Variants in BCKDHB observed in about 807,000 individuals in gnomAD.
BCKDHB encodes the protein branched chain keto acid dehydrogenase E1 subunit beta.
In BCKDHB, 41 loss-of-function variants were observed where a neutral mutation model predicts 48.5. That is an observed-to-expected ratio of 0.85 (90% CI 0.66 to 1.10). The LOEUF (loss-of-function observed/expected upper bound fraction) is 1.10. BCKDHB is among the 50% of genes least tolerant of loss of function. The pLI, the probability that BCKDHB is intolerant of heterozygous loss-of-function variation, is 0.00. For synonymous variants in BCKDHB, 201 were observed against 174.8 expected, an observed-to-expected ratio of 1.15 and a Z score of -1.18; for missense variants, 496 against 494.2, an observed-to-expected ratio of 1.00 and a Z score of -0.03.
chr6:80,368,169 T>TCA, the BCKDHB span, among the ~76,000 whole-genome samples: 1 of 152,182 alleles, frequency 6.6e-6, no homozygotes, highest in Non-Finnish European at 1.5e-5. Context: ...TGCTCCCAGT[T>TCA]TTTCCCAGCC....
At chr6:80,291,286 G>A (rs1286674964) in intron 9 of BCKDHB, among the ~76,000 whole-genome samples, 3 of 152,264 alleles carry the variant, frequency 2.0e-5, no homozygotes, top group Non-Finnish European at 2.9e-5. Flanking sequence ...GAAAAGAAGC[G>A]ATGACATTCC....
At chr6:80,273,534 GAA>G (rs1453024291) in intron 9 of BCKDHB, among the ~76,000 whole-genome samples, 4 of 152,022 alleles carry the variant, frequency 2.6e-5, no homozygotes, top group Admixed American at 2.6e-4. Context: ...TACGTTAACA[GAA>G]AGAAAAATCT....
intron 9 of BCKDHB, among the ~76,000 whole-genome samples, chr6:80,324,258 C>G (rs1221096429): frequency 4.6e-5 from 7 of 152,114 alleles, no homozygotes; most frequent in Non-Finnish European, 7.3e-5. Context: ...ATACCGTGAC[C>G]ATACCCAAGA....
Position 80,273,220 on chromosome 6 carries a change from A to G in BCKDHB, c.1037A>G (p.Gln346Arg), listed in dbSNP as rs2127965290. The G allele has an allele frequency of 1.2e-6, 2 of 1,612,636 alleles. No individual in the cohort carries two copies. The highest frequency in any genetic ancestry group is 2.2e-5 in the East Asian group (1 of 44,826). ...GFASEISSTV[Q>R]EECFLNLEAP... ...GCATCGGAAATCAGCTCTACAGTTCAGGTAGAGTAATTTTTGGAACTGATT... is the reference window on the plus strand; with the variant it reads ...GCATCGGAAATCAGCTCTACAGTTCGGGTAGAGTAATTTTTGGAACTGATT... Residue 346 changes from glutamine (Q) to arginine (R), a missense_variant and splice_region_variant, in exon 9 of 10, where the codon CAG (glutamine) becomes CGG (arginine). Transcript: ENST00000320393.
chr6:80,328,410 C>A (rs912080086), intron 9 of BCKDHB, among the ~76,000 whole-genome samples: 1 of 152,180 alleles, frequency 6.6e-6, no homozygotes, highest in Non-Finnish European at 1.5e-5. Flanking sequence ...CAAGGACTCT[C>A]GTCTCCTTTC....
intron 9 of BCKDHB, among the ~76,000 whole-genome samples, chr6:80,275,936 T>C (rs1777952846): frequency 6.6e-6 from 1 of 151,902 alleles, no homozygotes; most frequent in Non-Finnish European, 1.5e-5. Context: ...CTCTATTTCT[T>C]TTTTGGGGTA....
chr6:80,326,164 A>G (rs1180709275), intron 9 of BCKDHB, among the ~76,000 whole-genome samples: 1 of 149,676 alleles, frequency 6.7e-6, no homozygotes, highest in East Asian at 2.0e-4. Context: ...CTGTTTTCAT[A>G]GTTTTTATCT....
chr6:80,306,521 T>C (rs1455002711), intron 9 of BCKDHB, among the ~76,000 whole-genome samples: 3 of 152,188 alleles, frequency 2.0e-5, no homozygotes, highest in African/African-American at 7.2e-5. Flanking sequence ...GATTGATGAA[T>C]GAGTAAGTGT....
downstream of BCKDHB, among the ~76,000 whole-genome samples, chr6:80,349,857 T>A (rs1461847943): frequency 6.6e-6 from 1 of 152,112 alleles, no homozygotes; most frequent in African/African-American, 2.4e-5. Context: ...TGCAATTTGA[T>A]AGATGAAGTA....
At chr6:80,294,501 C>T (rs1222499391) in intron 9 of BCKDHB, among the ~76,000 whole-genome samples, 4 of 152,200 alleles carry the variant, frequency 2.6e-5, no homozygotes, top group African/African-American at 9.7e-5. Context: ...TTTCTTCTTG[C>T]AGAGAGCCTA....
At chr6:80,190,701 A>C (rs1032484144) in intron 6 of BCKDHB, among the ~76,000 whole-genome samples, 1 of 152,072 alleles carries the variant, frequency 6.6e-6, no homozygotes, top group African/African-American at 2.4e-5. Context: ...TTATAATTTA[A>C]ATCTCTGTTA....
At chr6:80,183,602 C>T (rs1324029918) in intron 6 of BCKDHB, among the ~76,000 whole-genome samples, 6 of 152,138 alleles carry the variant, frequency 3.9e-5, no homozygotes, top group Non-Finnish European at 1.5e-5. Context: ...AACACATTGT[C>T]ATCACTCAAA....
At chr6:80,162,571 C>T (rs1772369398) in intron 3 of BCKDHB, among the ~76,000 whole-genome samples, 1 of 152,206 alleles carries the variant, frequency 6.6e-6, no homozygotes, top group African/African-American at 2.4e-5. Flanking sequence ...ACCTGTCTTG[C>T]TGGGTGCAGT....
chr6:80,429,774 G>A, the BCKDHB span, among the ~76,000 whole-genome samples: 1 of 152,028 alleles, frequency 6.6e-6, no homozygotes, highest in East Asian at 1.9e-4. Context: ...ATTTTGGGCT[G>A]AGTGGTGGGG....
intron 3 of BCKDHB, among the ~76,000 whole-genome samples, chr6:80,165,843 A>G (rs773509494): frequency 2.6e-5 from 4 of 152,128 alleles, no homozygotes; most frequent in Non-Finnish European, 5.9e-5. Flanking sequence ...GGGCTTTTGG[A>G]GTGTCCTGTG....
intron 9 of BCKDHB, among the ~76,000 whole-genome samples, chr6:80,306,292 A>G (rs915902057): frequency 6.6e-6 from 1 of 152,226 alleles, no homozygotes; most frequent in East Asian, 1.9e-4. Flanking sequence ...TAACATGTGA[A>G]TAGTGAACAC....
the BCKDHB span, among the ~76,000 whole-genome samples, chr6:80,399,291 TG>T: frequency 0.09 from 13,731 of 152,028 alleles, 1,735 homozygotes; most frequent in African/African-American, 0.28. Flanking sequence ...AGCATCCAGA[TG>T]GAAAGAGAGG....
At chr6:80,195,355 T>C (rs1041590763) in intron 6 of BCKDHB, among the ~76,000 whole-genome samples, 2 of 152,132 alleles carry the variant, frequency 1.3e-5, no homozygotes, top group African/African-American at 4.8e-5. Flanking sequence ...TTAGTTTTCT[T>C]GTTCATATAT....
intron 9 of BCKDHB, chr6:80,307,505 C>A (rs187897188): frequency 2.0e-6 from 2 of 984,534 alleles, no homozygotes; most frequent in Non-Finnish European, 2.4e-6. Flanking sequence ...CATGAAAGAA[C>A]CTCTGTTAAA....
Sources: allele counts gnomAD v4.1 joint callset (sites outside exome capture counted in the v4.1 genomes callset), GRCh38; gene constraint gnomAD v4.1.1; transcripts MANE v1.5; gene names NCBI Gene and HGNC (gene_info 2026-07-23, HGNC 2026-07-21).